The following SIGLEC7 variants were observed in gnomAD, a reference collection of about 807,000 sequenced individuals.
The protein encoded by SIGLEC7 is sialic acid-binding Ig-like lectin 7.
A neutral mutation model predicts 40.8 loss-of-function variants in SIGLEC7; 33 were observed. That is an observed-to-expected ratio of 0.81 (90% CI 0.61 to 1.08). The LOEUF is 1.08. Among genes scored for constraint, SIGLEC7 ranks in the 50% least tolerant of loss-of-function variants. SIGLEC7 has a pLI of 0.00. For synonymous variants in SIGLEC7, 242 were observed against 237.6 expected (o/e 1.02, Z -0.17); for missense variants, 513 against 576.1 (o/e 0.89, Z 1.12).
rs935019835 is a variant in SIGLEC7 at position 51,144,432 on chromosome 19, A to T, written c.460A>T (p.Ile154Phe). 2 of 1,611,752 alleles carry T rather than the reference A, an allele frequency of 1.2e-6. No homozygotes were observed. Among genetic ancestry groups the T allele is most frequent in the African/African-American group, 2.7e-5 (2 of 74,872 alleles). ...CTTGACCCACAGGCCCAACATCCTT[A>T]TCCCCGGTACCCTGGAGTCTGGCTG... is the stretch of plus-strand genomic sequence containing the variant. ...TALTHRPNIL[I>F]PGTLESGCFQ... The change falls in exon 2 of 7, where the codon ATC (isoleucine) becomes TTC (phenylalanine). Residue 154 changes from isoleucine (I) to phenylalanine (F), a missense_variant. Coordinates refer to ENST00000317643, the MANE Select transcript of SIGLEC7 (RefSeq NM_014385.4).
At position 51,145,037 on chromosome 19, in the gene SIGLEC7, G is replaced by A; in HGVS notation, c.760+78G>A. 1.4e-6 allele frequency: 2 copies of A among 1,391,080 alleles called. No individual in the cohort carries two copies. The highest frequency in any genetic ancestry group is 2.0e-6 in the Non-Finnish European group (2 of 978,320). 86.2% of individuals were successfully genotyped at this position (1,391,080 alleles called of 1,614,324 possible). On this transcript the variant is annotated intron_variant, in intron 3 of 6. Coordinates refer to ENST00000317643, the MANE Select transcript of SIGLEC7 (RefSeq NM_014385.4). The surrounding 1 kb of genome is among the most constrained non-coding windows in gnomAD (Gnocchi z 4.3). Reference sequence around the variant, plus strand: ...GCAGGGCCAGGTCCCTCCTCATCCTGGACTCACCCTGGTGATATGAGACTC... The same window carrying A: ...GCAGGGCCAGGTCCCTCCTCATCCTAGACTCACCCTGGTGATATGAGACTC...
chr19:51,149,341 G>A (rs1042687860), intron 6 of SIGLEC7, among the ~76,000 whole-genome samples: 8 of 152,314 alleles, frequency 5.3e-5, no homozygotes, highest in African/African-American at 1.4e-4. Context: ...TGTGGTATAA[G>A]GAAGCAGTCC....
intron 5 of SIGLEC7, 180 bp from the exon 6 acceptor site, chr19:51,147,041 C>A: frequency 1.9e-6 from 2 of 1,079,276 alleles, no homozygotes; most frequent in South Asian, 1.5e-5. Flanking sequence ...GAACCTTGGG[C>A]CCCACCACCC....
In SIGLEC7 at chr19:51,149,246, G is replaced by A. The variant is rs181734360; in HGVS notation, c.1221+1929G>A. 2.0e-3 allele frequency among the ~76,000 whole-genome samples: 306 copies of A among 152,268 alleles called. 2 individuals are homozygous for A. Among genetic ancestry groups the A allele is most frequent in the East Asian group, 5.8e-4 (3 of 5,180 alleles). ...AAATCTTTGCCTGTTTATCCAGAACGATATTGCCTACATTGTCTTCCAGAG... is the reference window on the plus strand; with the variant it reads ...AAATCTTTGCCTGTTTATCCAGAACAATATTGCCTACATTGTCTTCCAGAG... On this transcript the variant is annotated intron_variant, in intron 6 of 6. Coordinates refer to ENST00000317643, the MANE Select transcript of SIGLEC7 (RefSeq NM_014385.4).
At position 51,144,417 on chromosome 19, in the gene SIGLEC7, A is replaced by G. The variant is rs1178690153; in HGVS notation, c.445A>G (p.Arg149Gly). 4 of 1,609,468 alleles carry G rather than the reference A, an allele frequency of 2.5e-6. No homozygotes were observed. Among genetic ancestry groups the G allele is most frequent in the Non-Finnish European group, 3.4e-6 (4 of 1,178,884 alleles). ...CCTCTCTTCACCAGCCTTGACCCAC[A>G]GGCCCAACATCCTTATCCCCGGTAC... The part of the protein sequence containing the change: ...LSVNVTALTH[R>G]PNILIPGTLE... The change falls in exon 2 of 7, where the codon AGG becomes GGG. Residue 149 changes from arginine to glycine, a missense_variant. Coordinates refer to ENST00000317643, the MANE Select transcript of SIGLEC7 (RefSeq NM_014385.4).
At chr19:51,146,304 A>G (rs2092108176) in intron 4 of SIGLEC7, among the ~76,000 whole-genome samples, 183 bp downstream of exon 4, 1 of 152,224 alleles carries the variant, frequency 6.6e-6, no homozygotes, top group East Asian at 1.9e-4. Context: ...TAAGGCAGGA[A>G]GAGGGGAGGA....
In SIGLEC7 at chr19:51,145,776, A is replaced by G; in HGVS notation, c.761-79A>G. 1 of 1,526,190 alleles carries G rather than the reference A, an allele frequency of 6.6e-7. No individual in the cohort carries two copies. The highest frequency in any genetic ancestry group is 2.1e-4 in the Middle Eastern group (1 of 4,816). 94.5% of individuals were successfully genotyped at this position (1,526,190 alleles called of 1,614,324 possible). Reference sequence around the variant, plus strand: ...ACCAGCCTACATCACTCTCTGTTCCATTCCCCAGTCTCATTCTGTATCCTT... The same window carrying G: ...ACCAGCCTACATCACTCTCTGTTCCGTTCCCCAGTCTCATTCTGTATCCTT... On this transcript the variant is annotated intron_variant, in intron 3 of 6. Transcript: ENST00000317643. This position sits in a 1 kb window ranked among gnomAD's most constrained non-coding sequence, Gnocchi z 4.3.
chr19:51,142,610 A>C lies in SIGLEC7; in HGVS notation c.241A>C (p.Asn81His). Residue 81 changes from asparagine to histidine, a missense_variant, in exon 1 of 7, where the codon AAC becomes CAC. Asn to His is a moderately conservative substitution (Grantham distance 68). Transcript: ENST00000317643. The surrounding 1 kb of genome is among the most constrained non-coding windows in gnomAD (Gnocchi z 5.0). ...AAGCTGGAAGGCTCCAGTGGCCACA[A>C]ACAACCCAGCTTGGGCAGTGCAGGA... ...DISWKAPVAT[N>H]NPAWAVQEET... is the part of the protein sequence containing the mutation. The C allele has an allele frequency of 6.2e-7, 1 of 1,614,134 alleles. No individual in the cohort carries two copies. The highest frequency in any genetic ancestry group is 8.5e-7 in the Non-Finnish European group (1 of 1,180,024).
At chr19:51,144,330 A>C (rs972275118) in intron 1 of SIGLEC7, 76 bp from the exon 2 acceptor site, 8 of 1,521,382 alleles carry the variant, frequency 5.3e-6, no homozygotes, top group Non-Finnish European at 2.6e-6. Flanking sequence ...GCAGAAGCTG[A>C]ACCAGAGCCT....
At chr19:51,149,668 T>C (rs2092131792) in intron 6 of SIGLEC7, among the ~76,000 whole-genome samples, 1 of 152,192 alleles carries the variant, frequency 6.6e-6, no homozygotes, top group Non-Finnish European at 1.5e-5. Context: ...TTTAAAATTG[T>C]TTTTTCTAGT....
chr19:51,147,115 TCA>T (rs2092113613), intron 5 of SIGLEC7, 104 bp from the exon 6 acceptor site: 1 of 1,534,422 alleles, frequency 6.5e-7, no homozygotes, highest in Non-Finnish European at 8.8e-7. Flanking sequence ...TCCTCCCACC[TCA>T]GTTACCCCTC....
At chr19:51,153,016 C>A (rs766785351) in intron 6 of SIGLEC7, 47 bp from the exon 7 acceptor site, 1 of 1,420,078 alleles carries the variant, frequency 7.0e-7, no homozygotes, top group Non-Finnish European at 9.3e-7. Flanking sequence ...CCTGCCTTAT[C>A]CTATTTCCAC....
intron 1 of SIGLEC7, chr19:51,144,205 T>C: frequency 2.5e-6 from 2 of 802,868 alleles, no homozygotes; most frequent in East Asian, 4.9e-5. Context: ...ATGTGACAGA[T>C]AAGGCACAGG....
intron 4 of SIGLEC7, 57 bp downstream of exon 4, chr19:51,146,178 C>T: frequency 6.3e-7 from 1 of 1,577,330 alleles, no homozygotes. Flanking sequence ...TCATGGGCCA[C>T]CCACTGCCCC....
At chr19:51,144,867 C>T (rs751878910) in intron 2 of SIGLEC7, 45 bp from the exon 3 acceptor site, 1 of 1,600,898 alleles carries the variant, frequency 6.2e-7, no homozygotes, top group Non-Finnish European at 8.6e-7. Flanking sequence ...GGCCAGTGTC[C>T]CCAGCCCTCA....
chr19:51,153,011 C>T (rs536518155), intron 6 of SIGLEC7, 52 bp from the exon 7 acceptor site: 1 of 1,406,906 alleles, frequency 7.1e-7, no homozygotes, highest in African/African-American at 1.4e-5. Flanking sequence ...CTCTCCCTGC[C>T]TTATCCTATT....
intron 6 of SIGLEC7, 56 bp downstream of exon 6, chr19:51,147,373 A>G (rs951044279): frequency 2.7e-6 from 4 of 1,501,842 alleles, no homozygotes; most frequent in Non-Finnish European, 3.6e-6. Flanking sequence ...CTCCCACAGG[A>G]TGGCCTCCAG....
In SIGLEC7 at chr19:51,145,756, C is replaced by A. The variant is rs115444083; in HGVS notation, c.761-99C>A. 1.4e-6 allele frequency: 2 copies of A among 1,391,882 alleles called. No homozygotes were observed. The highest frequency in any genetic ancestry group is 2.0e-6 in the Non-Finnish European group (2 of 1,003,702). The allele number at this position is 1,391,882 out of a possible 1,614,324, so 86.2% of individuals were successfully genotyped here. On this transcript the variant is annotated intron_variant, in intron 3 of 6. Transcript: ENST00000317643. This position sits in a 1 kb window ranked among gnomAD's most constrained non-coding sequence, Gnocchi z 4.3. ...GAACATAAGTATGTCCCTGCACCAG[C>A]CTACATCACTCTCTGTTCCATTCCC...
rs372658958 is a variant in SIGLEC7 at position 51,142,593 on chromosome 19, A to G, written c.224A>G (p.Lys75Arg). 24 of 1,614,054 alleles carry G rather than the reference A, an allele frequency of 1.5e-5. No individual in the cohort carries two copies. The African/African-American group carries it at 3.1e-4, about 21-fold the overall frequency. The part of the protein sequence containing the change: ...WFRAGNDISW[K>R]APVATNNPAW... ...CGGGCAGGGAATGATATAAGCTGGA[A>G]GGCTCCAGTGGCCACAAACAACCCA... Residue 75 changes from lysine to arginine, a missense_variant, in exon 1 of 7, where the codon AAG becomes AGG. By Grantham distance (26) the Lys-to-Arg change is conservative. Coordinates refer to ENST00000317643, the MANE Select transcript of SIGLEC7 (RefSeq NM_014385.4). This position sits in a 1 kb window ranked among gnomAD's most constrained non-coding sequence, Gnocchi z 5.0.
Sources: allele counts gnomAD v4.1 joint callset (sites outside exome capture counted in the v4.1 genomes callset), GRCh38; gene constraint gnomAD v4.1.1; non-coding constraint Gnocchi (gnomAD v3.1); transcripts MANE v1.5; gene names NCBI Gene and HGNC (gene_info 2026-07-23, HGNC 2026-07-21).